The following DOCK4 variants were observed in gnomAD, a reference collection of about 807,000 sequenced individuals.
DOCK4 encodes the protein dedicator of cytokinesis 4.
Under a neutral mutation model 268.1 loss-of-function variants are expected in DOCK4, and 97 were observed. The observed-to-expected ratio is 0.36, with a 90% CI of 0.31 to 0.43. DOCK4 has a LOEUF of 0.43. Among genes scored for constraint, DOCK4 ranks in the 20% least tolerant of loss-of-function variants. The probability of loss-of-function intolerance (pLI) is 1.00; values close to 1 mark genes in which losing one functional copy is unlikely to be tolerated. For synonymous variants in DOCK4, 954 were observed against 887.2 expected, an observed-to-expected ratio of 1.08 and a Z score of -1.34; for missense variants, 2,145 against 2,455.7, an observed-to-expected ratio of 0.87 and a Z score of 2.67.
intron 1 of DOCK4, among the ~76,000 whole-genome samples, chr7:112,069,592 C>G (rs897401424): frequency 5.9e-5 from 9 of 152,098 alleles, no homozygotes; most frequent in African/African-American, 2.2e-4. Context: ...AACACATATA[C>G]AGTACAAAGA....
intron 26 of DOCK4, among the ~76,000 whole-genome samples, chr7:111,831,536 G>A (rs957002698): frequency 6.6e-6 from 1 of 150,964 alleles, no homozygotes; most frequent in Non-Finnish European, 1.5e-5. Flanking sequence ...CCAGGTTGGA[G>A]AGGAGTGGTG....
chr7:111,799,798 G>C (rs1252674082), intron 30 of DOCK4, among the ~76,000 whole-genome samples: 1 of 152,100 alleles, frequency 6.6e-6, no homozygotes. Context: ...GATTGCATTT[G>C]TAACTTTATA....
chr7:112,042,301 C>T (rs1269431048), intron 1 of DOCK4, among the ~76,000 whole-genome samples: 2 of 152,156 alleles, frequency 1.3e-5, no homozygotes, highest in Non-Finnish European at 2.9e-5. Context: ...GAATCAGTGA[C>T]CAGGAGACGA....
In DOCK4 at chr7:111,915,741, C is replaced by A. The variant is rs555346785; in HGVS notation, c.1192+38G>T. 1.4e-4 allele frequency: 228 copies of A among 1,603,602 alleles called. 4 individuals carry two copies. The South Asian group carries it at 2.5e-3, about 17-fold the overall frequency. On this transcript the variant is annotated intron_variant, in intron 13 of 52. Transcript: ENST00000428084. ...CAAACATCAAAAACAGATAGTATAC[C>A]CATATTTCATCATATCGGTACGTCC...
Position 111,728,490 on chromosome 7 carries a change from C to T in DOCK4, c.5712G>A (p.Lys1904=). 6.2e-7 allele frequency: 1 copy of T among 1,613,046 alleles called. No homozygotes were observed. The highest frequency in any genetic ancestry group is 8.5e-7 in the Non-Finnish European group (1 of 1,179,638). The change falls in exon 53 of 53, where the codon AAG becomes AAA. Residue 1904 remains lysine (K), a synonymous_variant. Transcript: ENST00000428084. ...TGTACGGGGGCGGAGTCTTGCTCTC[C>T]TTGCGCACTGGCTCCTCCCCGCCGT... The part of the protein sequence containing the change: ...PSYGGEEPVR[K]ESKTPPPYSV...
chr7:112,120,803 T>A (rs978151681), intron 1 of DOCK4, among the ~76,000 whole-genome samples: 1 of 152,252 alleles, frequency 6.6e-6, no homozygotes, highest in African/African-American at 2.4e-5. Context: ...TTCCATGATC[T>A]TGTGAGCTTC....
rs145087118 is a variant in DOCK4, at chr7:111,887,240, T to C, written c.1587+8372A>G. Among the ~76,000 whole-genome samples, 32 of 152,290 alleles carry C rather than the reference T, an allele frequency of 2.1e-4. 1 individual carries two copies. The East Asian group carries it at 5.0e-3, about 24-fold the overall frequency. ...AGTGGATGGAGACAAGACAAAATGC[T>C]CAGTTTTGGATATGCTGAGTGTGCA... On this transcript the variant is annotated intron_variant, in intron 16 of 52. Transcript: ENST00000428084.
intron 30 of DOCK4, among the ~76,000 whole-genome samples, chr7:111,802,592 T>G (rs1209013516): frequency 6.6e-6 from 1 of 152,206 alleles, no homozygotes; most frequent in African/African-American, 2.4e-5. Flanking sequence ...TGTTACTATC[T>G]TGGTCTTTAG....
intron 13 of DOCK4, among the ~76,000 whole-genome samples, chr7:111,911,793 A>G (rs576622395): frequency 6.6e-6 from 1 of 152,082 alleles, no homozygotes; most frequent in African/African-American, 2.4e-5. Context: ...AGCTGGCTGC[A>G]TTCTGCTCTA....
At chr7:112,033,159 T>C (rs147786476) in intron 1 of DOCK4, among the ~76,000 whole-genome samples, 1 of 152,076 alleles carries the variant, frequency 6.6e-6, no homozygotes, top group Admixed American at 6.6e-5. Context: ...CCAAGTGAAA[T>C]ACAATATGCA....
In DOCK4 at chr7:111,995,443, GTGTGTGTGTGTGTGTA is replaced by G. The variant is rs1174200396; in HGVS notation, c.219-1228_219-1213del. Among the ~76,000 whole-genome samples, 389 of 108,166 alleles carry G rather than the reference GTGTGTGTGTGTGTGTA, an allele frequency of 3.6e-3. 2 individuals are homozygous for G. The highest frequency in any genetic ancestry group is 0.029 in the East Asian group (82 of 2,838). 71.0% of individuals were successfully genotyped at this position (108,166 alleles called of 152,430 possible). On this transcript the variant is annotated intron_variant, in intron 4 of 52. Coordinates refer to ENST00000428084, the MANE Select transcript of DOCK4 (RefSeq NM_001363540.2). ...TGTGTGTGTGTGTGTGTGTGTGTGT[GTGTGTGTGTGTGTGTA>G]TGTGCAGGTGAAAGTGGTTTAGTGG...
At chr7:112,137,590 C>G (rs963600516) in intron 1 of DOCK4, among the ~76,000 whole-genome samples, 1 of 152,148 alleles carries the variant, frequency 6.6e-6, no homozygotes, top group East Asian at 1.9e-4. Context: ...TTCTGAAAGG[C>G]AAATAAAATA....
intron 1 of DOCK4, among the ~76,000 whole-genome samples, chr7:112,170,976 A>AAC (rs1275667442): frequency 2.0e-5 from 3 of 151,994 alleles, no homozygotes; most frequent in South Asian, 2.1e-4. Context: ...CTCAAATCAC[A>AAC]ACACACACAC....
intron 7 of DOCK4, among the ~76,000 whole-genome samples, chr7:111,983,718 C>G (rs997634413): frequency 6.6e-6 from 1 of 151,936 alleles, no homozygotes; most frequent in African/African-American, 2.4e-5. Flanking sequence ...GGATGATTCA[C>G]GGGCTTCAGT....
chr7:111,766,907 G>A (rs966648838), intron 38 of DOCK4, 125 bp downstream of exon 38: 52 of 668,472 alleles, frequency 7.8e-5, no homozygotes, highest in Non-Finnish European at 1.2e-4. Flanking sequence ...AGCTAAGTAT[G>A]CTTCAGAGGA....
intron 11 of DOCK4, among the ~76,000 whole-genome samples, chr7:111,939,496 C>G (rs1232689739): frequency 7.4e-6 from 1 of 135,648 alleles, no homozygotes; most frequent in Non-Finnish European, 1.5e-5. Context: ...GCCTGGGCAA[C>G]AGAGCGAGAC....
At chr7:112,197,600 C>G (rs1820565857) in intron 1 of DOCK4, among the ~76,000 whole-genome samples, 1 of 152,186 alleles carries the variant, frequency 6.6e-6, no homozygotes, top group South Asian at 2.1e-4. Context: ...ACGACCAACT[C>G]TAAATGGACA....
At chr7:111,933,041 A>C (rs937426955) in intron 12 of DOCK4, among the ~76,000 whole-genome samples, 1 of 150,584 alleles carries the variant, frequency 6.6e-6, no homozygotes, top group Admixed American at 6.6e-5. Flanking sequence ...ATCCATGGAC[A>C]ATCAGGAGAA....
At position 111,765,146 on chromosome 7, in the gene DOCK4, TA is replaced by T; in HGVS notation, c.3991del (p.Tyr1331MetfsTer9). Reference protein sequence around the residue: ...LEPEFFRVGFYGKKFPFFLRN... With the variant: ...LEPEFFRVGFXGKKFPFFLRN... ...TAAGAAAAATGGAAATTTTTTTCCA[TA>T]AAATCCAACTCTGAAGAACTCTGGT... On this transcript the variant is annotated frameshift_variant, in exon 39 of 53. Transcript: ENST00000428084. LOFTEE classifies it high-confidence loss of function. The T allele has an allele frequency of 6.5e-7, 1 of 1,537,194 alleles. No homozygotes were observed. Among genetic ancestry groups the T allele is most frequent in the Non-Finnish European group, 8.7e-7 (1 of 1,144,974 alleles).
Sources: gnomAD v4.1 joint callset for allele counts (sites outside exome capture counted in the v4.1 genomes callset) on GRCh38, gnomAD v4.1.1 for gene constraint, MANE v1.5 for transcripts, NCBI Gene and HGNC (gene_info 2026-07-23, HGNC 2026-07-21) for gene names.